Variants in FHIT observed in about 807,000 individuals in gnomAD.
The protein encoded by FHIT is bis(5'-adenosyl)-triphosphatase.
A neutral mutation model predicts 17.9 loss-of-function variants in FHIT; 19 were observed. The ratio of observed to expected loss-of-function variants is 1.06; its 90% confidence interval spans 0.74 to 1.56. FHIT has a LOEUF of 1.56. Among genes scored for constraint, FHIT ranks in the 40% most tolerant of loss-of-function variants. FHIT has a pLI of 0.00. For missense variants in FHIT, 248 were observed against 189.2 expected, an observed-to-expected ratio of 1.31 and a Z score of -1.82; for synonymous variants, 81 against 69.7, an observed-to-expected ratio of 1.16 and a Z score of -0.81.
Position 60,583,924 on chromosome 3 carries a change from C to T in FHIT, c.-17-46945G>A, listed in dbSNP as rs371828145. ...AAGTATCCCAGTTAAATCACATCAG[C>T]ACTCTGGGAAATATTCTTCTTGGGG... On this transcript the variant is annotated intron_variant, in intron 4 of 9. Coordinates refer to ENST00000492590, the MANE Select transcript of FHIT (RefSeq NM_002012.4). Among the ~76,000 whole-genome samples, 147 of 152,210 alleles carry T rather than the reference C, an allele frequency of 9.7e-4. 1 individual carries two copies. The highest frequency in any genetic ancestry group is 3.5e-3 in the African/African-American group (144 of 41,574).
chr3:59,852,840 C>T (rs548610888), intron 8 of FHIT, among the ~76,000 whole-genome samples: 3 of 152,120 alleles, frequency 2.0e-5, no homozygotes, highest in Non-Finnish European at 4.4e-5. Context: ...CGCCATGTCT[C>T]TTCATGGATT....
intron 6 of FHIT, among the ~76,000 whole-genome samples, chr3:60,013,313 C>T (rs1034624375): frequency 2.6e-5 from 4 of 152,192 alleles, no homozygotes; most frequent in African/African-American, 9.7e-5. Context: ...ATTACAGAGT[C>T]ATCCAATTTC....
intron 5 of FHIT, among the ~76,000 whole-genome samples, chr3:60,364,639 G>C (rs931390598): frequency 6.6e-6 from 1 of 152,190 alleles, no homozygotes; most frequent in Non-Finnish European, 1.5e-5. Flanking sequence ...TTCATTCTAT[G>C]TGCCAATTTG....
intron 5 of FHIT, among the ~76,000 whole-genome samples, chr3:60,243,908 C>A (rs941821883): frequency 6.6e-6 from 1 of 152,100 alleles, no homozygotes; most frequent in African/African-American, 2.4e-5. Flanking sequence ...CTGTAAGAGT[C>A]AGCAGGGAGA....
At chr3:60,099,055 C>G (rs1041922189) in intron 5 of FHIT, among the ~76,000 whole-genome samples, 3 of 152,138 alleles carry the variant, frequency 2.0e-5, no homozygotes, top group African/African-American at 7.2e-5. Flanking sequence ...CAAAGCCTCT[C>G]CAGTATAACT....
intron 4 of FHIT, among the ~76,000 whole-genome samples, chr3:60,758,868 TAGAG>T (rs2108048493): frequency 6.6e-6 from 1 of 152,144 alleles, no homozygotes; most frequent in African/African-American, 2.4e-5. Context: ...TTAACAGGAA[TAGAG>T]AGTGGGAGAT....
At chr3:60,997,742 A>G (rs2030777693) in intron 3 of FHIT, among the ~76,000 whole-genome samples, 1 of 152,166 alleles carries the variant, frequency 6.6e-6, no homozygotes, top group Admixed American at 6.5e-5. Context: ...GAATTCGTGA[A>G]TTGCATAATG....
chr3:59,773,757 C>T (rs1226911668), intron 8 of FHIT, among the ~76,000 whole-genome samples: 1 of 152,132 alleles, frequency 6.6e-6, no homozygotes, highest in Non-Finnish European at 1.5e-5. Context: ...AAAAGCAGAA[C>T]ATAAGGCCCC....
intron 3 of FHIT, among the ~76,000 whole-genome samples, chr3:60,995,215 G>A (rs1283920052): frequency 6.6e-6 from 1 of 152,096 alleles, no homozygotes; most frequent in Admixed American, 6.5e-5. Context: ...AGCTACTCGG[G>A]AGGCTGAGGC....
At chr3:60,266,570 A>C (rs142604923) in intron 5 of FHIT, among the ~76,000 whole-genome samples, 1 of 152,168 alleles carries the variant, frequency 6.6e-6, no homozygotes, top group Admixed American at 6.6e-5. Flanking sequence ...ATATCTCTCT[A>C]AAGATGTTTG....
chr3:60,341,490 A>T (rs1479658493), intron 5 of FHIT, among the ~76,000 whole-genome samples: 1 of 152,208 alleles, frequency 6.6e-6, no homozygotes, highest in Non-Finnish European at 1.5e-5. Flanking sequence ...TTCTATCACA[A>T]ATCATAATTA....
intron 5 of FHIT, among the ~76,000 whole-genome samples, chr3:60,310,988 T>C (rs1292795475): frequency 3.9e-5 from 6 of 152,182 alleles, no homozygotes; most frequent in Non-Finnish European, 8.8e-5. Context: ...GATATTCTTT[T>C]CCACCCCAGT....
At chr3:60,978,265 A>C (rs1290083648) in intron 3 of FHIT, among the ~76,000 whole-genome samples, 2 of 152,052 alleles carry the variant, frequency 1.3e-5, no homozygotes, top group Non-Finnish European at 2.9e-5. Flanking sequence ...ATTTCTTGGG[A>C]GTCTTGTTAA....
chr3:60,684,244 G>A (rs921003116), intron 4 of FHIT, among the ~76,000 whole-genome samples: 2 of 152,058 alleles, frequency 1.3e-5, no homozygotes, highest in Admixed American at 6.6e-5. Flanking sequence ...TGGGACTCTT[G>A]TAATAGCATT....
chr3:60,370,132 G>C (rs2107051954), intron 5 of FHIT, among the ~76,000 whole-genome samples: 1 of 152,222 alleles, frequency 6.6e-6, no homozygotes, highest in African/African-American at 2.4e-5. Context: ...ATATGTAAAA[G>C]GAAGAGCTGC....
intron 5 of FHIT, among the ~76,000 whole-genome samples, chr3:60,048,148 C>T (rs1033032502): frequency 1.2e-4 from 18 of 151,998 alleles, no homozygotes; most frequent in African/African-American, 2.2e-4. Context: ...TGGGACCCAC[C>T]GTAATGGTTT....
intron 5 of FHIT, among the ~76,000 whole-genome samples, chr3:60,271,858 C>T (rs760839304): frequency 1.6e-4 from 24 of 152,212 alleles, no homozygotes; most frequent in Non-Finnish European, 3.1e-4. Flanking sequence ...AGGCTCCATG[C>T]ACTTCTGAAT....
intron 1 of FHIT, among the ~76,000 whole-genome samples, chr3:61,221,127 G>C: frequency 6.6e-6 from 1 of 152,138 alleles, no homozygotes; most frequent in African/African-American, 2.4e-5. Flanking sequence ...CCCTGGCTGG[G>C]TTGGTGCCCA....
At chr3:61,031,788 T>G (rs79596353) in intron 3 of FHIT, among the ~76,000 whole-genome samples, 3 of 152,186 alleles carry the variant, frequency 2.0e-5, no homozygotes, top group Non-Finnish European at 2.9e-5. Context: ...GAAGTTATAC[T>G]GAACAGGCAA....
Sources: allele counts gnomAD v4.1 joint callset (sites outside exome capture counted in the v4.1 genomes callset), GRCh38; gene constraint gnomAD v4.1.1; transcripts MANE v1.5; gene names NCBI Gene and HGNC (gene_info 2026-07-23, HGNC 2026-07-21).